Variants in NR2C2 observed in about 807,000 individuals in gnomAD.
NR2C2 encodes the protein Nuclear hormone receptor TR4.
In NR2C2, 6 loss-of-function variants were observed where a neutral mutation model predicts 62.9. The observed-to-expected ratio is 0.10, with a 90% CI of 0.05 to 0.19. The LOEUF (loss-of-function observed/expected upper bound fraction) is 0.19. NR2C2 is among the 10% of genes least tolerant of loss of function. The pLI, the probability that NR2C2 is intolerant of heterozygous loss-of-function variation, is 1.00. For synonymous variants in NR2C2, 272 were observed against 273.8 expected (o/e 0.99, Z 0.07); for missense variants, 479 against 762.7 (o/e 0.63, Z 4.38).
chr3:14,960,914 A>G (rs2039671046), intron 1 of NR2C2, among the ~76,000 whole-genome samples: 1 of 152,190 alleles, frequency 6.6e-6, no homozygotes, highest in Non-Finnish European at 1.5e-5. Context: ...ATTAGTTGTA[A>G]CCAAACTATA....
chr3:14,987,606 A>G (rs2125352320), intron 1 of NR2C2, among the ~76,000 whole-genome samples: 1 of 152,164 alleles, frequency 6.6e-6, no homozygotes, highest in Middle Eastern at 3.4e-3. Context: ...TCACTTCTTA[A>G]TCTCCTTACT....
chr3:15,005,419 GT>G (rs1283044995), intron 2 of NR2C2, among the ~76,000 whole-genome samples: 1 of 106,762 alleles, frequency 9.4e-6, no homozygotes, highest in Non-Finnish European at 1.8e-5. Flanking sequence ...GTTTCACCAT[GT>G]TGCCAAGGTG....
At position 15,003,888 on chromosome 3, in the gene NR2C2, C is replaced by G. The variant is rs752968196; in HGVS notation, c.-27C>G. The G allele has an allele frequency of 4.3e-6, 7 of 1,611,884 alleles. No individual in the cohort carries two copies. In the Admixed American group the frequency reaches 1.0e-4, roughly 23 times the overall value. ...TTCTCACCCACAGGTAACACGTACA[C>G]AGACCTCTCGGCCGGAATCTCCAGG... is the stretch of plus-strand genomic sequence containing the variant. On this transcript the variant is annotated 5_prime_UTR_variant, in exon 2 of 14. Coordinates refer to ENST00000425241, the MANE Select transcript of NR2C2 (RefSeq NM_001291694.2).
intron 2 of NR2C2, among the ~76,000 whole-genome samples, chr3:15,007,360 C>G (rs1386344284): frequency 6.6e-6 from 1 of 151,952 alleles, no homozygotes; most frequent in Non-Finnish European, 1.5e-5. Flanking sequence ...GTCTCCTGAC[C>G]TTATGATCCG....
At chr3:14,982,847 A>T (rs1301179128) in intron 1 of NR2C2, among the ~76,000 whole-genome samples, 1 of 152,226 alleles carries the variant, frequency 6.6e-6, no homozygotes, top group African/African-American at 2.4e-5. Context: ...TCCTCATCTT[A>T]AAAGGAATGA....
chr3:15,019,180 C>A (rs557538667), intron 4 of NR2C2, among the ~76,000 whole-genome samples: 2 of 151,322 alleles, frequency 1.3e-5, no homozygotes, highest in Non-Finnish European at 2.9e-5. Context: ...GAGCCGAAAT[C>A]ATGGCCACTG....
chr3:14,999,688 G>A (rs2040934161), intron 1 of NR2C2, among the ~76,000 whole-genome samples: 2 of 150,532 alleles, frequency 1.3e-5, no homozygotes, highest in African/African-American at 4.9e-5. Context: ...TTTTGTAATA[G>A]TGCAAGGTAG....
chr3:14,974,239 A>G (rs1408084835), intron 1 of NR2C2, among the ~76,000 whole-genome samples: 2 of 152,030 alleles, frequency 1.3e-5, no homozygotes, highest in African/African-American at 2.4e-5. Flanking sequence ...GGTTCAGGCT[A>G]TTTGTTTGTA....
intron 1 of NR2C2, among the ~76,000 whole-genome samples, chr3:14,977,107 T>C (rs914667058): frequency 2.6e-5 from 4 of 152,216 alleles, no homozygotes; most frequent in South Asian, 4.1e-4. Flanking sequence ...AACTAATTAG[T>C]TGGATTTTGG....
chr3:15,036,123 G>A (rs903007074), intron 11 of NR2C2, among the ~76,000 whole-genome samples: 1 of 152,180 alleles, frequency 6.6e-6, no homozygotes, highest in Non-Finnish European at 1.5e-5. Flanking sequence ...CCAGGAGGCA[G>A]AGGTTGCAGT....
At chr3:15,020,655 C>A in intron 4 of NR2C2, 98 bp from the exon 5 acceptor site, 3 of 1,378,196 alleles carry the variant, frequency 2.2e-6, no homozygotes, top group Non-Finnish European at 2.0e-6. Flanking sequence ...TGGCACCCAT[C>A]ACTTCAATGA....
rs1021738126 is a variant in NR2C2 at position 15,048,847 on chromosome 3, A to G, written c.*5839A>G. 1 of 152,660 alleles carries G rather than the reference A, an allele frequency of 6.6e-6. No homozygotes were observed. The highest frequency in any genetic ancestry group is 1.5e-5 in the Non-Finnish European group (1 of 68,030). 9.5% of individuals were successfully genotyped at this position (152,660 alleles called of 1,614,324 possible). A position where few individuals can be genotyped will look rare whatever the true frequency, so the allele number is the denominator to read the frequency against. On this transcript the variant is annotated 3_prime_UTR_variant, in exon 14 of 14. Coordinates refer to ENST00000425241, the MANE Select transcript of NR2C2 (RefSeq NM_001291694.2). ...TTCTCTGTTAGAATGTAACTGCATT[A>G]CCAGCCCTTTTAAAGGCATCTATCT...
At chr3:15,042,025 A>G (rs543228295) in intron 13 of NR2C2, among the ~76,000 whole-genome samples, 7 of 152,104 alleles carry the variant, frequency 4.6e-5, no homozygotes, top group Non-Finnish European at 7.4e-5. Context: ...TTCATTTTCT[A>G]TGGTTCCTAT....
intron 13 of NR2C2, among the ~76,000 whole-genome samples, chr3:15,039,856 G>C (rs914015188): frequency 6.6e-6 from 1 of 152,198 alleles, no homozygotes; most frequent in African/African-American, 2.4e-5. Context: ...AAAAATATGT[G>C]TATAAAAATT....
chr3:15,007,720 T>C (rs2041226192), intron 2 of NR2C2, among the ~76,000 whole-genome samples: 1 of 152,176 alleles, frequency 6.6e-6, no homozygotes, highest in African/African-American at 2.4e-5. Context: ...CAGGAGCGAT[T>C]TGATAAGATG....
chr3:14,972,599 T>C (rs1028998871), intron 1 of NR2C2, among the ~76,000 whole-genome samples: 1 of 152,194 alleles, frequency 6.6e-6, no homozygotes, highest in African/African-American at 2.4e-5. Flanking sequence ...ATTCTTTATA[T>C]ATTCTGGATA....
intron 1 of NR2C2, among the ~76,000 whole-genome samples, chr3:14,989,479 A>G (rs2040605304): frequency 6.6e-6 from 1 of 152,086 alleles, no homozygotes; most frequent in Admixed American, 6.6e-5. Context: ...TGAAAGAGGA[A>G]CTTGTAAAGA....
At chr3:15,016,042 T>C in intron 3 of NR2C2, 110 bp from the exon 4 acceptor site, 1 of 757,226 alleles carries the variant, frequency 1.3e-6, no homozygotes. Context: ...CCTCAAGTGA[T>C]CCACCCACCT....
intron 1 of NR2C2, chr3:14,962,501 CAG>C (rs897806300): frequency 5.9e-5 from 9 of 152,678 alleles, no homozygotes; most frequent in African/African-American, 1.7e-4. Context: ...AGGTGAGTGA[CAG>C]GGGCTAGCAC....
Sources: gnomAD v4.1 joint callset for allele counts (sites outside exome capture counted in the v4.1 genomes callset) on GRCh38, gnomAD v4.1.1 for gene constraint, MANE v1.5 for transcripts, NCBI Gene and HGNC (gene_info 2026-07-23, HGNC 2026-07-21) for gene names.